The following AUTS2 variants were observed in gnomAD, a reference collection of about 807,000 sequenced individuals.
AUTS2 encodes the protein autism susceptibility gene 2 protein.
A neutral mutation model predicts 112.4 loss-of-function variants in AUTS2; 17 were observed. The observed-to-expected ratio is 0.15, with a 90% CI of 0.10 to 0.23. AUTS2 has a LOEUF of 0.23. Among genes scored for constraint, AUTS2 ranks in the 10% least tolerant of loss-of-function variants. The pLI, the probability that AUTS2 is intolerant of heterozygous loss-of-function variation, is 1.00. For synonymous variants in AUTS2, 751 were observed against 702.7 expected, an observed-to-expected ratio of 1.07 and a Z score of -1.09; for missense variants, 1,510 against 1,701.6, an observed-to-expected ratio of 0.89 and a Z score of 1.98.
chr7:70,531,377 T>C (rs1800080530), intron 5 of AUTS2, among the ~76,000 whole-genome samples: 1 of 152,192 alleles, frequency 6.6e-6, no homozygotes, highest in Non-Finnish European at 1.5e-5. Context: ...GTTGTCTTAG[T>C]CCATTTTATG....
chr7:69,923,340 A>G (rs1223847588), intron 2 of AUTS2, among the ~76,000 whole-genome samples: 1 of 151,970 alleles, frequency 6.6e-6, no homozygotes, highest in Non-Finnish European at 1.5e-5. Flanking sequence ...CCTTTGATCT[A>G]TTTGTCTATC....
intron 2 of AUTS2, among the ~76,000 whole-genome samples, chr7:69,972,381 A>G (rs896370467): frequency 1.3e-5 from 2 of 152,140 alleles, no homozygotes; most frequent in African/African-American, 2.4e-5. Context: ...TGGTTTGCAC[A>G]TATTTTCTTC....
At position 70,774,105 on chromosome 7, in the gene AUTS2, T is replaced by A; in HGVS notation, c.1902+6T>A. 1.9e-6 allele frequency: 3 copies of A among 1,614,174 alleles called. No individual in the cohort carries two copies. The highest frequency in any genetic ancestry group is 2.5e-6 in the Non-Finnish European group (3 of 1,179,998). ...TACTCCAAAAGGACCCGAGGGTACG[T>A]GCAAAGTCAGGCTTGGTCTCAGGTA... On this transcript the variant is annotated splice_donor_region_variant and intron_variant, in intron 12 of 18. Transcript: ENST00000342771.
intron 5 of AUTS2, among the ~76,000 whole-genome samples, chr7:70,651,403 G>T (rs1806499706): frequency 6.6e-6 from 1 of 152,050 alleles, no homozygotes; most frequent in African/African-American, 2.4e-5. Context: ...CTTACATTGG[G>T]GTTACATCCC....
At chr7:69,651,572 A>G (rs1363403926) in intron 1 of AUTS2, among the ~76,000 whole-genome samples, 4 of 152,232 alleles carry the variant, frequency 2.6e-5, no homozygotes, top group African/African-American at 9.6e-5. Flanking sequence ...GCCTTCAGGT[A>G]ACCAGAGGTA....
chr7:70,095,915 A>G (rs1414984815), intron 2 of AUTS2, among the ~76,000 whole-genome samples: 15 of 152,242 alleles, frequency 9.9e-5, no homozygotes, highest in Admixed American at 9.8e-4. Context: ...TTTAGTACAC[A>G]GTTTTAAGAA....
chr7:69,672,956 C>T (rs1796402672), intron 1 of AUTS2, among the ~76,000 whole-genome samples: 1 of 152,176 alleles, frequency 6.6e-6, no homozygotes, highest in East Asian at 1.9e-4. Flanking sequence ...TCATTTTGTA[C>T]TAGCTTTTGG....
At chr7:70,078,633 A>G (rs1803151612) in intron 2 of AUTS2, among the ~76,000 whole-genome samples, 1 of 152,196 alleles carries the variant, frequency 6.6e-6, no homozygotes, top group Non-Finnish European at 1.5e-5. Context: ...TTTTAATAGA[A>G]TAAAAGAAGG....
chr7:70,465,321 C>G (rs1279413305), intron 5 of AUTS2, among the ~76,000 whole-genome samples: 1 of 152,130 alleles, frequency 6.6e-6, no homozygotes, highest in Non-Finnish European at 1.5e-5. Context: ...TCACAACTGC[C>G]TGAAACCTCT....
chr7:70,728,681 C>G (rs1281427413), intron 6 of AUTS2, among the ~76,000 whole-genome samples: 1 of 141,358 alleles, frequency 7.1e-6, no homozygotes, highest in African/African-American at 2.7e-5. Context: ...GCACTCCAGC[C>G]TGGGAGACAG....
At chr7:70,081,516 A>G (rs1199537571) in intron 2 of AUTS2, among the ~76,000 whole-genome samples, 4 of 151,996 alleles carry the variant, frequency 2.6e-5, no homozygotes, top group Non-Finnish European at 5.9e-5. Flanking sequence ...AGCCAAGATC[A>G]TGCCAGTATA....
At chr7:70,730,435 C>G (rs1787314122) in intron 6 of AUTS2, among the ~76,000 whole-genome samples, 1 of 152,176 alleles carries the variant, frequency 6.6e-6, no homozygotes, top group Non-Finnish European at 1.5e-5. Context: ...ATCCCTCAGC[C>G]CAGGCAGCCA....
chr7:70,071,692 C>T (rs1033084388), intron 2 of AUTS2, among the ~76,000 whole-genome samples: 1 of 152,180 alleles, frequency 6.6e-6, no homozygotes, highest in Non-Finnish European at 1.5e-5. Flanking sequence ...TTTCTCCAGT[C>T]TACTGAGCTT....
intron 4 of AUTS2, among the ~76,000 whole-genome samples, chr7:70,313,575 C>T (rs1789855042): frequency 6.6e-6 from 1 of 152,198 alleles, no homozygotes; most frequent in South Asian, 2.1e-4. Context: ...GGCACAATAG[C>T]CTTTCCAAAT....
chr7:70,193,174 G>A (rs10499813), intron 4 of AUTS2, among the ~76,000 whole-genome samples: 32,305 of 152,060 alleles, frequency 0.21, 3,413 homozygotes, highest in Middle Eastern at 0.33. Flanking sequence ...TGTGGTCCTT[G>A]AACTCTGATG....
chr7:69,919,250 A>T (rs1219846763), intron 2 of AUTS2, among the ~76,000 whole-genome samples: 1 of 152,166 alleles, frequency 6.6e-6, no homozygotes, highest in Non-Finnish European at 1.5e-5. Flanking sequence ...TTGTGTTGGT[A>T]CTGTAGATAC....
At chr7:70,757,498 C>T (rs892373621) in intron 6 of AUTS2, among the ~76,000 whole-genome samples, 1 of 152,020 alleles carries the variant, frequency 6.6e-6, no homozygotes, top group East Asian at 1.9e-4. Flanking sequence ...AAAGGTTTGG[C>T]CAACATTGTC....
At chr7:70,471,083 C>T (rs1468369218) in intron 5 of AUTS2, among the ~76,000 whole-genome samples, 1 of 152,190 alleles carries the variant, frequency 6.6e-6, no homozygotes, top group African/African-American at 2.4e-5. Flanking sequence ...TGTAATTAAC[C>T]CAGCAGCCCA....
chr7:69,651,830 G>A (rs1190896123), intron 1 of AUTS2, among the ~76,000 whole-genome samples: 2 of 152,172 alleles, frequency 1.3e-5, no homozygotes, highest in Non-Finnish European at 2.9e-5. Flanking sequence ...AGATCATAAA[G>A]ATTAGCAAAT....
Sources: gnomAD v4.1 joint callset for allele counts (sites outside exome capture counted in the v4.1 genomes callset) on GRCh38, gnomAD v4.1.1 for gene constraint, MANE v1.5 for transcripts, NCBI Gene and HGNC (gene_info 2026-07-23, HGNC 2026-07-21) for gene names.